The following NLGN4Y variants were observed in gnomAD, a reference collection of about 807,000 sequenced individuals.
NLGN4Y encodes the protein neuroligin 4 Y-linked, also known as neuroligin-4, Y-linked.
In NLGN4Y, 4 loss-of-function variants were observed where a neutral mutation model predicts 8.4. That is an observed-to-expected ratio of 0.48 (90% CI 0.23 to 1.09). The LOEUF is 1.09. NLGN4Y is among the 50% of genes least tolerant of loss of function. The probability of loss-of-function intolerance (pLI) is 0.19; values close to 1 mark genes in which losing one functional copy is unlikely to be tolerated. For missense variants in NLGN4Y, 90 were observed against 192.3 expected (o/e 0.47, Z 3.15); for synonymous variants, 35 against 75.6 (o/e 0.46, Z 2.78).
intron 2 of NLGN4Y, among the ~76,000 whole-genome samples, chrY:14,647,449 C>A (rs2080614830): frequency 3.0e-5 from 1 of 33,678 alleles, no homozygotes; most frequent in East Asian, 7.8e-4. Flanking sequence ...TTTATCAGTA[C>A]TCTCTGAAAC....
chrY:14,598,399 T>G (rs866251776), intron 1 of NLGN4Y, among the ~76,000 whole-genome samples: 9 of 33,808 alleles, frequency 2.7e-4, no homozygotes, highest in African/African-American at 9.2e-4. Flanking sequence ...GGGCCAGCGC[T>G]GCTGGGGTAC....
At chrY:14,640,138 A>G in intron 2 of NLGN4Y, 1 of 117,151 alleles carries the variant, frequency 8.5e-6, no homozygotes, top group Non-Finnish European at 1.9e-5. Context: ...TTATAACTAC[A>G]GGAACTCGAA....
chrY:14,736,466 A>G (rs891677786), intron 4 of NLGN4Y, among the ~76,000 whole-genome samples: 2 of 32,753 alleles, frequency 6.1e-5, no homozygotes, highest in Admixed American at 2.8e-4. Context: ...ATGAGTTAAG[A>G]CTTTGGGGGA....
intron 2 of NLGN4Y, among the ~76,000 whole-genome samples, chrY:14,687,707 C>T (rs2080796557): frequency 6.1e-5 from 2 of 32,702 alleles, no homozygotes; most frequent in Admixed American, 5.6e-4. Flanking sequence ...GGGGACACAG[C>T]CAAACCATAT....
chrY:14,746,268 C>A (rs753439310), intron 4 of NLGN4Y, among the ~76,000 whole-genome samples: 1 of 33,677 alleles, frequency 3.0e-5, no homozygotes, highest in South Asian at 6.7e-4. Flanking sequence ...TTCTTCCCTC[C>A]ATCACTTCAG....
At chrY:14,738,374 C>T in intron 4 of NLGN4Y, among the ~76,000 whole-genome samples, 2 of 32,510 alleles carry the variant, frequency 6.2e-5, no homozygotes, top group Non-Finnish European at 1.5e-4. Flanking sequence ...AGGTTACAGT[C>T]TTTCTTATTG....
At chrY:14,594,488 C>T in intron 1 of NLGN4Y, among the ~76,000 whole-genome samples, 1 of 33,208 alleles carries the variant, frequency 3.0e-5, no homozygotes, top group Admixed American at 2.7e-4. Context: ...AAGGCTGTGG[C>T]CTTTCTCTGA....
chrY:14,570,710 A>G (rs2080265939), intron 1 of NLGN4Y, among the ~76,000 whole-genome samples: 2 of 30,853 alleles, frequency 6.5e-5, no homozygotes, highest in Non-Finnish European at 7.9e-5. Context: ...TCTTCATTTA[A>G]CATTAGGTAT....
At chrY:14,533,017 G>C in intron 1 of NLGN4Y, among the ~76,000 whole-genome samples, 1 of 32,885 alleles carries the variant, frequency 3.0e-5, no homozygotes, top group Non-Finnish European at 7.5e-5. Context: ...AGATCAAATA[G>C]GAAAGAGTAA....
intron 1 of NLGN4Y, among the ~76,000 whole-genome samples, chrY:14,610,245 A>G (rs2080461701): frequency 3.1e-5 from 1 of 31,956 alleles, no homozygotes; most frequent in Non-Finnish European, 7.6e-5. Flanking sequence ...GTCTTCCACT[A>G]GGTTTTAAAT....
intron 2 of NLGN4Y, among the ~76,000 whole-genome samples, chrY:14,629,694 C>G: frequency 3.0e-5 from 1 of 33,363 alleles, no homozygotes; most frequent in African/African-American, 1.2e-4. Flanking sequence ...GGACAAAGTT[C>G]CATAATTCCA....
At chrY:14,590,977 G>A in intron 1 of NLGN4Y, among the ~76,000 whole-genome samples, 1 of 33,265 alleles carries the variant, frequency 3.0e-5, no homozygotes, top group Admixed American at 2.7e-4. Context: ...GAGAGTGTGT[G>A]GTAGTAGGAT....
chrY:14,611,559 A>G (rs771511738), intron 1 of NLGN4Y, among the ~76,000 whole-genome samples: 49 of 23,108 alleles, frequency 2.1e-3, no homozygotes, highest in East Asian at 9.0e-3. Context: ...TTGTTTGTTT[A>G]TTTATTTATT....
intron 1 of NLGN4Y, among the ~76,000 whole-genome samples, chrY:14,619,981 C>T (rs2080502598): frequency 3.0e-5 from 1 of 33,023 alleles, no homozygotes; most frequent in Non-Finnish European, 7.4e-5. Context: ...TGAGAACTTA[C>T]GAACACAAAG....
At chrY:14,724,151 A>G (rs2080947876) in intron 4 of NLGN4Y, among the ~76,000 whole-genome samples, 1 of 33,806 alleles carries the variant, frequency 3.0e-5, no homozygotes, top group Non-Finnish European at 7.3e-5. Flanking sequence ...TTTGATCTTG[A>G]ATTGAAACCT....
At chrY:14,825,673 C>T in intron 5 of NLGN4Y, among the ~76,000 whole-genome samples, 1 of 31,751 alleles carries the variant, frequency 3.1e-5, no homozygotes, top group Non-Finnish European at 7.6e-5. Context: ...CTCTCTAACA[C>T]ACTTTTAGGA....
At chrY:14,682,055 G>A (rs995191815) in intron 2 of NLGN4Y, among the ~76,000 whole-genome samples, 2 of 33,889 alleles carry the variant, frequency 5.9e-5, no homozygotes, top group Non-Finnish European at 7.4e-5. Flanking sequence ...CTGTCCTGCT[G>A]TTACTTTAGT....
chrY:14,601,028 C>T (rs1603501053), intron 1 of NLGN4Y, among the ~76,000 whole-genome samples: 1 of 32,274 alleles, frequency 3.1e-5, no homozygotes, highest in Non-Finnish European at 7.5e-5. Flanking sequence ...ATTACTCTCC[C>T]CAGCCTATGG....
chrY:14,679,998 T>C, intron 2 of NLGN4Y, among the ~76,000 whole-genome samples: 1 of 33,725 alleles, frequency 3.0e-5, no homozygotes, highest in African/African-American at 1.2e-4. Context: ...ACTACTCACT[T>C]TGAACTTAAG....
Sources: gnomAD v4.1 joint callset for allele counts (sites outside exome capture counted in the v4.1 genomes callset) on GRCh38, gnomAD v4.1.1 for gene constraint, MANE v1.5 for transcripts, NCBI Gene and HGNC (gene_info 2026-07-23, HGNC 2026-07-21) for gene names.